The following MAGI2 variants were observed in gnomAD, a reference collection of about 807,000 sequenced individuals.
The protein encoded by MAGI2 is membrane-associated guanylate kinase, WW and PDZ domain-containing protein 2.
Under a neutral mutation model 133.3 loss-of-function variants are expected in MAGI2, and 35 were observed. That is an observed-to-expected ratio of 0.26 (90% CI 0.20 to 0.35). The LOEUF (loss-of-function observed/expected upper bound fraction) is 0.35. Ranked by LOEUF, MAGI2 falls within the 10% of genes least tolerant of loss-of-function variation. The pLI, the probability that MAGI2 is intolerant of heterozygous loss-of-function variation, is 1.00. For missense variants in MAGI2, 1,636 were observed against 1,863.4 expected, an observed-to-expected ratio of 0.88 and a Z score of 2.25; for synonymous variants, 729 against 710.6, an observed-to-expected ratio of 1.03 and a Z score of -0.41.
At chr7:78,731,071 C>A (rs750068818) in intron 2 of MAGI2, among the ~76,000 whole-genome samples, 2 of 151,998 alleles carry the variant, frequency 1.3e-5, no homozygotes, top group African/African-American at 4.8e-5. Flanking sequence ...CAATGTTCTA[C>A]AATCCATTTT....
chr7:78,423,618 T>C (rs1292321944), intron 6 of MAGI2, among the ~76,000 whole-genome samples: 1 of 152,086 alleles, frequency 6.6e-6, no homozygotes, highest in Non-Finnish European at 1.5e-5. Flanking sequence ...TAGAGACTTG[T>C]TGAATGGCTT....
chr7:78,024,823 A>C (rs1163332959), intron 21 of MAGI2, among the ~76,000 whole-genome samples: 1 of 151,936 alleles, frequency 6.6e-6, no homozygotes, highest in Non-Finnish European at 1.5e-5. Context: ...TACCCTCCCC[A>C]GGGCAACTAA....
chr7:79,413,701 A>G (rs908381081), intron 1 of MAGI2: 3 of 139,634 alleles, frequency 2.1e-5, no homozygotes, highest in Non-Finnish European at 4.5e-5. Context: ...GTGCTGGTCT[A>G]TAAGTTTCCC....
chr7:79,159,687 A>G (rs538023783), intron 1 of MAGI2, among the ~76,000 whole-genome samples: 1 of 152,214 alleles, frequency 6.6e-6, no homozygotes, highest in East Asian at 1.9e-4. Context: ...TTTAAATTCT[A>G]TAATCTGTCT....
intron 2 of MAGI2, among the ~76,000 whole-genome samples, chr7:78,921,746 C>T (rs1799244745): frequency 6.6e-6 from 1 of 152,012 alleles, no homozygotes; most frequent in Non-Finnish European, 1.5e-5. Context: ...ATTCTCATGC[C>T]TCAGCCTCCC....
intron 2 of MAGI2, among the ~76,000 whole-genome samples, chr7:78,736,776 T>TG (rs1053456139): frequency 6.6e-6 from 1 of 151,354 alleles, no homozygotes; most frequent in Non-Finnish European, 1.5e-5. Context: ...AAACTGGGGG[T>TG]GGGGGGAGTG....
At chr7:78,512,870 G>A (rs1795723849) in intron 4 of MAGI2, among the ~76,000 whole-genome samples, 1 of 152,188 alleles carries the variant, frequency 6.6e-6, no homozygotes. Flanking sequence ...TCTGTGGGTA[G>A]AAGGTGACAA....
chr7:78,699,593 A>T (rs1308297315), intron 2 of MAGI2, among the ~76,000 whole-genome samples: 1 of 152,170 alleles, frequency 6.6e-6, no homozygotes, highest in Non-Finnish European at 1.5e-5. Context: ...TTCTAGGCCC[A>T]AGCATTCAGG....
rs138868297 is a variant in MAGI2 at position 79,003,963 on chromosome 7, G to A, written c.418+3127C>T. ...AAGAGCAAAAATAACAAATGCTGGTGAGGATGCAGGGAAAAGGGCACTCTT... is the reference window on the plus strand; with the variant it reads ...AAGAGCAAAAATAACAAATGCTGGTAAGGATGCAGGGAAAAGGGCACTCTT... On this transcript the variant is annotated intron_variant, in intron 2 of 21. Transcript: ENST00000354212. Among the ~76,000 whole-genome samples, 1,519 of 152,270 alleles carry A rather than the reference G, an allele frequency of 1.0e-2. 27 individuals carry two copies. The highest frequency in any genetic ancestry group is 0.035 in the African/African-American group (1,451 of 41,566).
chr7:78,339,687 T>C (rs551943187), intron 9 of MAGI2, among the ~76,000 whole-genome samples: 3 of 152,330 alleles, frequency 2.0e-5, no homozygotes, highest in African/African-American at 4.8e-5. Context: ...TATTGAAACA[T>C]TTGATGTTTG....
chr7:79,201,317 TC>T (rs1347335004), intron 1 of MAGI2, among the ~76,000 whole-genome samples: 2 of 152,052 alleles, frequency 1.3e-5, no homozygotes, highest in Non-Finnish European at 2.9e-5. Flanking sequence ...AACATAGCAT[TC>T]ACCTTGCCTA....
intron 16 of MAGI2, among the ~76,000 whole-genome samples, chr7:78,151,048 CTTTATA>C (rs3840597): frequency 0.29 from 39,661 of 137,582 alleles, 6,042 homozygotes; most frequent in African/African-American, 0.4. Context: ...GAGTTTGATG[CTTTATA>C]TTTATATTTA....
intron 1 of MAGI2, among the ~76,000 whole-genome samples, chr7:79,229,046 A>G (rs848809): frequency 0.87 from 132,442 of 151,772 alleles, 58,079 homozygotes; most frequent in Non-Finnish European, 0.91. Flanking sequence ...CTTTGTTCCA[A>G]GTCTGAAGTA....
chr7:79,075,393 C>T (rs902253438), intron 1 of MAGI2, among the ~76,000 whole-genome samples: 2 of 152,066 alleles, frequency 1.3e-5, no homozygotes, highest in African/African-American at 4.8e-5. Flanking sequence ...ACACTATTTG[C>T]CATAGAAACC....
chr7:78,623,833 T>G (rs978964726), intron 3 of MAGI2, among the ~76,000 whole-genome samples: 4 of 152,170 alleles, frequency 2.6e-5, no homozygotes, highest in African/African-American at 9.7e-5. Context: ...GGTGGTCCCA[T>G]AAAGTTGTAA....
intron 1 of MAGI2, among the ~76,000 whole-genome samples, chr7:79,076,074 G>A (rs1271073128): frequency 6.6e-6 from 1 of 152,146 alleles, no homozygotes; most frequent in Non-Finnish European, 1.5e-5. Flanking sequence ...GTGGACAAAA[G>A]ACAAGCAAAA....
intron 2 of MAGI2, among the ~76,000 whole-genome samples, chr7:78,731,504 A>G (rs1271413376): frequency 6.6e-6 from 1 of 152,166 alleles, no homozygotes; most frequent in Non-Finnish European, 1.5e-5. Flanking sequence ...GCTGAGCAAC[A>G]TTATAATCCC....
At chr7:78,540,810 G>A (rs1338966713) in intron 3 of MAGI2, among the ~76,000 whole-genome samples, 2 of 151,994 alleles carry the variant, frequency 1.3e-5, no homozygotes, top group Non-Finnish European at 2.9e-5. Flanking sequence ...TTTTATATTT[G>A]GCTTTCTAAA....
chr7:79,444,620 C>T (rs1326556593), intron 1 of MAGI2, among the ~76,000 whole-genome samples: 1 of 151,740 alleles, frequency 6.6e-6, no homozygotes, highest in Non-Finnish European at 1.5e-5. Context: ...CGTGAAGGAC[C>T]TCTTTAAGGA....
Sources: gnomAD v4.1 joint callset for allele counts (sites outside exome capture counted in the v4.1 genomes callset) on GRCh38, gnomAD v4.1.1 for gene constraint, MANE v1.5 for transcripts, NCBI Gene and HGNC (gene_info 2026-07-23, HGNC 2026-07-21) for gene names.